Variants in PCDHGA2 observed in about 807,000 individuals in gnomAD.
PCDHGA2 encodes protocadherin gamma subfamily A, 2.
In PCDHGA2, 40 loss-of-function variants were observed where a neutral mutation model predicts 59.2. The observed-to-expected ratio is 0.68, with a 90% CI of 0.52 to 0.88. PCDHGA2 has a LOEUF of 0.88. Ranked by LOEUF, PCDHGA2 falls within the 40% of genes least tolerant of loss-of-function variation. The pLI is 0.00. For synonymous variants in PCDHGA2, 560 were observed against 526.0 expected, an observed-to-expected ratio of 1.06 and a Z score of -0.89; for missense variants, 1,226 against 1,204.0, an observed-to-expected ratio of 1.02 and a Z score of -0.27.
In PCDHGA2 at chr5:141,422,647, T is replaced by G. The variant is rs773990745; in HGVS notation, c.2425-72160T>G. 2.5e-6 allele frequency: 4 copies of G among 1,611,858 alleles called. No individual in the cohort carries two copies. In the South Asian group the frequency reaches 4.4e-5, roughly 18 times the overall value. On this transcript the variant is annotated intron_variant, in intron 1 of 3. Transcript: ENST00000394576. ...CAACCCCAGGGGTGCCTCCATCTTC[T>G]CAGTGACCGCCCTCGACCCGGACAG...
rs1011731430 is a variant in PCDHGA2, at chr5:141,489,676, G to A, written c.2425-5131G>A. 6.2e-7 allele frequency: 1 copy of A among 1,614,158 alleles called. No individual in the cohort carries two copies. The highest frequency in any genetic ancestry group is 8.5e-7 in the Non-Finnish European group (1 of 1,180,008). On this transcript the variant is annotated intron_variant, in intron 1 of 3. Coordinates refer to ENST00000394576, the MANE Select transcript of PCDHGA2 (RefSeq NM_018915.4). This position sits in a 1 kb window ranked among gnomAD's most constrained non-coding sequence, Gnocchi z 4.5. ...GCGAGAGATGCGCATCTCAGAATCAGCAGCATCTGGGGCACGATTCCCACT... is the reference window on the plus strand; with the variant it reads ...GCGAGAGATGCGCATCTCAGAATCAACAGCATCTGGGGCACGATTCCCACT...
chr5:141,421,322 T>TC (rs761059925), intron 1 of PCDHGA2: 24 of 1,613,746 alleles, frequency 1.5e-5, no homozygotes, highest in Middle Eastern at 1.6e-4. Flanking sequence ...GCCAGGCAGA[T>TC]CCGATATTCG....
At position 141,485,848 on chromosome 5, in the gene PCDHGA2, C is replaced by G. The variant is rs1416763615; in HGVS notation, c.2425-8959C>G. 1.9e-6 allele frequency: 3 copies of G among 1,614,076 alleles called. No individual in the cohort carries two copies. The highest frequency in any genetic ancestry group is 1.1e-5 in the South Asian group (1 of 91,084). On this transcript the variant is annotated intron_variant, in intron 1 of 3. Coordinates refer to ENST00000394576, the MANE Select transcript of PCDHGA2 (RefSeq NM_018915.4). This position sits in a 1 kb window ranked among gnomAD's most constrained non-coding sequence, Gnocchi z 5.7. The stretch of plus-strand genomic sequence containing the variant: ...GAGGGAACCCGCCGAGATCTGGCAC[C>G]GCAGAGCTCCGGGTATCCGTGCTGG...
intron 1 of PCDHGA2, chr5:141,362,062 C>G (rs1392359513): frequency 6.2e-7 from 1 of 1,612,314 alleles, no homozygotes; most frequent in African/African-American, 1.3e-5. Context: ...CCAGCGCCTG[C>G]TGGTCGCTGT....
At chr5:141,347,986 G>A (rs532238448) in intron 1 of PCDHGA2, among the ~76,000 whole-genome samples, 5 of 152,162 alleles carry the variant, frequency 3.3e-5, no homozygotes, top group Non-Finnish European at 7.3e-5. Flanking sequence ...ACATGTAAAG[G>A]AATATGTCTC....
intron 1 of PCDHGA2, chr5:141,364,604 C>A (rs370007558): frequency 1.9e-6 from 3 of 1,614,162 alleles, no homozygotes; most frequent in Non-Finnish European, 2.5e-6. Context: ...CAGGATAGAC[C>A]GGGAGGAGCT....
intron 1 of PCDHGA2, among the ~76,000 whole-genome samples, chr5:141,484,730 G>T (rs1231473842): frequency 6.6e-6 from 1 of 151,728 alleles, no homozygotes; most frequent in Non-Finnish European, 1.5e-5. Context: ...GGGGTCAGTC[G>T]GTGTGTTAGG....
chr5:141,437,728 A>T (rs1236819934), intron 1 of PCDHGA2, among the ~76,000 whole-genome samples: 1 of 150,908 alleles, frequency 6.6e-6, no homozygotes, highest in Non-Finnish European at 1.5e-5. Context: ...CTAATGTTAC[A>T]CTTTGAGTTC....
chr5:141,355,590 A>C, intron 1 of PCDHGA2: 2 of 1,613,952 alleles, frequency 1.2e-6, no homozygotes, highest in Non-Finnish European at 1.7e-6. Context: ...ATGATAACCC[A>C]CCCAGTTTTG....
At chr5:141,457,631 G>C (rs540600166) in intron 1 of PCDHGA2, among the ~76,000 whole-genome samples, 1 of 152,282 alleles carries the variant, frequency 6.6e-6, no homozygotes, top group African/African-American at 2.4e-5. Flanking sequence ...TCTTATACTT[G>C]GCCTGATTAT....
Position 141,511,285 on chromosome 5 carries a change from G to C in PCDHGA2, c.*112G>C. On this transcript the variant is annotated 3_prime_UTR_variant, in exon 4 of 4. Coordinates refer to ENST00000394576, the MANE Select transcript of PCDHGA2 (RefSeq NM_018915.4). Reference sequence around the variant, plus strand: ...GGGCTAACCCCCAGAATACTGGTAGGGGCCAAGGCCATGCTCCCCTTGGGA... The same window carrying C: ...GGGCTAACCCCCAGAATACTGGTAGCGGCCAAGGCCATGCTCCCCTTGGGA... 1 of 1,521,904 alleles carries C rather than the reference G, an allele frequency of 6.6e-7. No homozygotes were observed. The highest frequency in any genetic ancestry group is 8.8e-7 in the Non-Finnish European group (1 of 1,131,664). 94.3% of individuals were successfully genotyped at this position (1,521,904 alleles called of 1,614,324 possible).
At position 141,477,886 on chromosome 5, in the gene PCDHGA2, G is replaced by A. The variant is rs2099422999; in HGVS notation, c.2425-16921G>A. 2 of 1,614,188 alleles carry A rather than the reference G, an allele frequency of 1.2e-6. No homozygotes were observed. The highest frequency in any genetic ancestry group is 1.7e-6 in the Non-Finnish European group (2 of 1,180,040). ...GAGGTACCTCAGCTGGCCACCTAGT[G>A]TCACGGGTGGTAGGCTGGGACGCGG... On this transcript the variant is annotated intron_variant, in intron 1 of 3. Transcript: ENST00000394576. The surrounding 1 kb of genome is among the most constrained non-coding windows in gnomAD (Gnocchi z 4.9).
At chr5:141,417,703 C>A in intron 1 of PCDHGA2, 1 of 1,205,130 alleles carries the variant, frequency 8.3e-7, no homozygotes, top group Non-Finnish European at 1.1e-6. Context: ...AGCTCCCACA[C>A]AGAGGCTCCC....
At chr5:141,409,883 C>G (rs530193346) in intron 1 of PCDHGA2, 2 of 1,612,988 alleles carry the variant, frequency 1.2e-6, no homozygotes, top group South Asian at 2.2e-5. Context: ...CAACGCACCG[C>G]GGGTGCTGTA....
chr5:141,360,379 GGAGACTTACTTGTGAGTGACA>G (rs761769972), intron 1 of PCDHGA2: 9 of 1,613,760 alleles, frequency 5.6e-6, no homozygotes, highest in Non-Finnish European at 7.6e-6. Flanking sequence ...CCCAGAAAGC[GGAGACTTACTTGTGAGTGACA>G]GAATAGACCG....
intron 1 of PCDHGA2, chr5:141,411,430 A>C (rs918915726): frequency 6.6e-6 from 1 of 151,188 alleles, no homozygotes; most frequent in Admixed American, 6.6e-5. Context: ...CAACAAAAAA[A>C]AACATTAGCA....
chr5:141,450,278 G>C (rs977381598), intron 1 of PCDHGA2, among the ~76,000 whole-genome samples: 1 of 152,026 alleles, frequency 6.6e-6, no homozygotes, highest in African/African-American at 2.4e-5. Flanking sequence ...TCAGCTAAGT[G>C]CTGGGATTAC....
At chr5:141,436,668 C>CA (rs1159051861) in intron 1 of PCDHGA2, among the ~76,000 whole-genome samples, 1 of 151,748 alleles carries the variant, frequency 6.6e-6, no homozygotes, top group South Asian at 2.1e-4. Flanking sequence ...AGTGGTTGAC[C>CA]AAAAAAAGGA....
intron 1 of PCDHGA2, chr5:141,421,833 C>A: frequency 6.2e-7 from 1 of 1,613,756 alleles, no homozygotes; most frequent in South Asian, 1.1e-5. Context: ...GAAGCCTGGA[C>A]CGAGAGAAAG....
Sources: gnomAD v4.1 joint callset for allele counts (sites outside exome capture counted in the v4.1 genomes callset) on GRCh38, gnomAD v4.1.1 for gene constraint, Gnocchi (gnomAD v3.1) non-coding constraint, MANE v1.5 for transcripts, NCBI Gene and HGNC (gene_info 2026-07-23, HGNC 2026-07-21) for gene names.